The following ZMAT4 variants were observed in gnomAD, a reference collection of about 807,000 sequenced individuals.
ZMAT4 encodes zinc finger matrin-type protein 4.
In ZMAT4, 17 loss-of-function variants were observed where a neutral mutation model predicts 28.7. That is an observed-to-expected ratio of 0.59 (90% CI 0.41 to 0.89). The LOEUF (loss-of-function observed/expected upper bound fraction) is 0.89. Ranked by LOEUF, ZMAT4 falls within the 40% of genes least tolerant of loss-of-function variation. The pLI is 0.00. For missense variants in ZMAT4, 240 were observed against 283.8 expected, an observed-to-expected ratio of 0.85 and a Z score of 1.11; for synonymous variants, 117 against 109.2, an observed-to-expected ratio of 1.07 and a Z score of -0.44.
chr8:40,601,204 G>C (rs1403590099), intron 5 of ZMAT4, among the ~76,000 whole-genome samples: 3 of 151,994 alleles, frequency 2.0e-5, no homozygotes, highest in Non-Finnish European at 4.4e-5. Flanking sequence ...TTACAGGGTA[G>C]GGGAAAGTCC....
chr8:40,576,982 T>C (rs1483327316), intron 6 of ZMAT4, among the ~76,000 whole-genome samples: 1 of 152,026 alleles, frequency 6.6e-6, no homozygotes, highest in Non-Finnish European at 1.5e-5. Flanking sequence ...TCACCTGAGG[T>C]CAGGAGTTCA....
intron 3 of ZMAT4, among the ~76,000 whole-genome samples, chr8:40,697,857 G>C (rs2150495124): frequency 6.6e-6 from 1 of 152,224 alleles, no homozygotes; most frequent in East Asian, 1.9e-4. Context: ...GTAGAGATGA[G>C]TTATCCAAAT....
At chr8:40,745,690 A>T (rs1358918157) in intron 3 of ZMAT4, among the ~76,000 whole-genome samples, 1 of 152,172 alleles carries the variant, frequency 6.6e-6, no homozygotes, top group Admixed American at 6.5e-5. Flanking sequence ...TCAGAGCCAG[A>T]TCTGCCAGGC....
intron 2 of ZMAT4, among the ~76,000 whole-genome samples, chr8:40,813,058 G>T (rs913416887): frequency 6.6e-6 from 1 of 151,542 alleles, no homozygotes; most frequent in Non-Finnish European, 1.5e-5. Flanking sequence ...TGTGACAAAT[G>T]TACCATAGCA....
At chr8:40,833,458 C>T (rs1175770151) in intron 1 of ZMAT4, among the ~76,000 whole-genome samples, 1 of 149,328 alleles carries the variant, frequency 6.7e-6, no homozygotes, top group African/African-American at 2.5e-5. Flanking sequence ...ATCCCAGCTA[C>T]TCTGGAGGCT....
chr8:40,771,564 C>T (rs866827503), intron 2 of ZMAT4, among the ~76,000 whole-genome samples: 3 of 152,194 alleles, frequency 2.0e-5, no homozygotes, highest in Non-Finnish European at 4.4e-5. Flanking sequence ...TAATTGTCCA[C>T]ATTTTCATCA....
At chr8:40,782,430 G>A (rs899520108) in intron 2 of ZMAT4, among the ~76,000 whole-genome samples, 2 of 151,986 alleles carry the variant, frequency 1.3e-5, no homozygotes, top group Admixed American at 6.6e-5. Flanking sequence ...AAAACAAAAA[G>A]AAAGTGAAAA....
At chr8:40,724,040 T>C (rs1372594529) in intron 3 of ZMAT4, among the ~76,000 whole-genome samples, 3 of 152,208 alleles carry the variant, frequency 2.0e-5, no homozygotes, top group Non-Finnish European at 4.4e-5. Flanking sequence ...TAAGCAACTC[T>C]GCTTAGTTTA....
chr8:40,537,297 A>G (rs953900111), intron 6 of ZMAT4, among the ~76,000 whole-genome samples: 3 of 152,226 alleles, frequency 2.0e-5, no homozygotes, highest in Non-Finnish European at 2.9e-5. Flanking sequence ...TCTGATGAAC[A>G]TAACAATTTA....
chr8:40,658,488 G>A (rs1422397265), intron 5 of ZMAT4, among the ~76,000 whole-genome samples: 1 of 151,992 alleles, frequency 6.6e-6, no homozygotes, highest in Non-Finnish European at 1.5e-5. Context: ...GGGGCATGGG[G>A]GGTTGGGAGG....
At chr8:40,865,407 A>G (rs574011808) in intron 1 of ZMAT4, among the ~76,000 whole-genome samples, 2 of 152,332 alleles carry the variant, frequency 1.3e-5, no homozygotes, top group East Asian at 3.9e-4. Flanking sequence ...GGCCGTGCAG[A>G]TCTGGGCCAT....
At chr8:40,744,146 C>T (rs1812126070) in intron 3 of ZMAT4, among the ~76,000 whole-genome samples, 1 of 152,312 alleles carries the variant, frequency 6.6e-6, no homozygotes, top group African/African-American at 2.4e-5. Context: ...AAGTCCCCTC[C>T]GTGGGACCTT....
intron 2 of ZMAT4, among the ~76,000 whole-genome samples, chr8:40,797,946 A>G (rs1814665845): frequency 6.6e-6 from 1 of 152,206 alleles, no homozygotes; most frequent in Non-Finnish European, 1.5e-5. Flanking sequence ...CAGGGCACTG[A>G]GGGGCTGGCA....
intron 2 of ZMAT4, among the ~76,000 whole-genome samples, chr8:40,783,999 G>A (rs1056159419): frequency 2.9e-4 from 44 of 151,966 alleles, no homozygotes; most frequent in Admixed American, 2.7e-3. Flanking sequence ...CAACAAGAGC[G>A]AAACTCCATC....
At chr8:40,770,579 G>A (rs1437758756) in intron 2 of ZMAT4, among the ~76,000 whole-genome samples, 6 of 121,542 alleles carry the variant, frequency 4.9e-5, no homozygotes, top group Non-Finnish European at 8.1e-5. Context: ...ACAGAGTCTC[G>A]TTCTGTCGCC....
intron 5 of ZMAT4, among the ~76,000 whole-genome samples, chr8:40,638,375 G>T (rs1285484771): frequency 6.6e-6 from 1 of 152,174 alleles, no homozygotes; most frequent in African/African-American, 2.4e-5. Context: ...TAAAACAATA[G>T]ACACATCTTA....
At chr8:40,629,184 T>G (rs535325072) in intron 5 of ZMAT4, among the ~76,000 whole-genome samples, 32 of 152,010 alleles carry the variant, frequency 2.1e-4, no homozygotes, top group Admixed American at 8.5e-4. Context: ...GATAGTCCCT[T>G]ACATGTATTT....
At chr8:40,632,683 G>A (rs1806638830) in intron 5 of ZMAT4, among the ~76,000 whole-genome samples, 2 of 152,192 alleles carry the variant, frequency 1.3e-5, no homozygotes, top group Non-Finnish European at 2.9e-5. Flanking sequence ...TGCAGAGGGA[G>A]CACAGCCCTG....
chr8:40,573,532 T>A (rs1237536574), intron 6 of ZMAT4, among the ~76,000 whole-genome samples: 5 of 152,208 alleles, frequency 3.3e-5, no homozygotes, highest in African/African-American at 1.2e-4. Flanking sequence ...AGATTTCGGA[T>A]GATTTCATCT....
Sources: allele counts gnomAD v4.1 joint callset (sites outside exome capture counted in the v4.1 genomes callset), GRCh38; gene constraint gnomAD v4.1.1; transcripts MANE v1.5; gene names NCBI Gene and HGNC (gene_info 2026-07-23, HGNC 2026-07-21).